Variants in COBL observed in about 807,000 individuals in gnomAD.
COBL encodes protein cordon-bleu.
COBL carries 51 observed loss-of-function variants against 98.8 expected under a neutral mutation model. The observed-to-expected ratio is 0.52, with a 90% confidence interval of 0.41 to 0.65. The LOEUF is 0.65. COBL is among the 30% of genes least tolerant of loss of function. The pLI is 0.00. For synonymous variants in COBL, 634 were observed against 651.7 expected, an observed-to-expected ratio of 0.97 and a Z score of 0.41; for missense variants, 1,617 against 1,617.5, an observed-to-expected ratio of 1.00 and a Z score of 0.01.
intron 6 of COBL, among the ~76,000 whole-genome samples, chr7:51,102,477 G>C (rs2128964058): frequency 6.6e-6 from 1 of 152,236 alleles, no homozygotes; most frequent in South Asian, 2.1e-4. Context: ...TCCCGACCTT[G>C]GTTCTATACC....
intron 7 of COBL, among the ~76,000 whole-genome samples, chr7:51,074,271 C>T (rs1287664070): frequency 6.9e-6 from 1 of 145,316 alleles, no homozygotes; most frequent in Non-Finnish European, 1.5e-5. Flanking sequence ...TCTCGGCTCA[C>T]TGCAACCTCC....
At position 51,029,530 on chromosome 7, in the gene COBL, G is replaced by A; in HGVS notation, c.1566C>T (p.Ser522=). The change falls in exon 10 of 13, where the codon TCC becomes TCT. Residue 522 remains serine, a synonymous_variant. Coordinates refer to ENST00000265136, the MANE Select transcript of COBL (RefSeq NM_015198.5). ...TCATGGCATCCTGTGGGCAGTGGTTGGATGCACCATGGATGGAGCTGGTGA... is the reference window on the plus strand; with the variant it reads ...TCATGGCATCCTGTGGGCAGTGGTTAGATGCACCATGGATGGAGCTGGTGA... ...SSLTSSIHGA[S]NHCPQDAMIP... The A allele has an allele frequency of 6.2e-7, 1 of 1,613,742 alleles. No homozygotes were observed. Among genetic ancestry groups the A allele is most frequent in the Non-Finnish European group, 8.5e-7 (1 of 1,179,720 alleles).
chr7:51,027,659 T>C, intron 10 of COBL, 53 bp downstream of exon 10: 1 of 1,412,602 alleles, frequency 7.1e-7, no homozygotes, highest in South Asian at 1.3e-5. Context: ...CTGAGACCAG[T>C]GCACTGAAGT....
At chr7:51,026,867 C>T (rs1031585725) in intron 10 of COBL, among the ~76,000 whole-genome samples, 1 of 151,982 alleles carries the variant, frequency 6.6e-6, no homozygotes, top group African/African-American at 2.4e-5. Context: ...CACTGTACTC[C>T]AGCCTGGGCC....
chr7:51,191,240 G>A (rs1311427433), intron 3 of COBL, among the ~76,000 whole-genome samples, 162 bp from the exon 4 acceptor site: 1 of 152,074 alleles, frequency 6.6e-6, no homozygotes, highest in African/African-American at 2.4e-5. Context: ...AATGAATATT[G>A]AAAAACAAAT....
Position 51,085,247 on chromosome 7 carries a change from G to C in COBL, c.1015C>G (p.Pro339Ala), listed in dbSNP as rs199991316. ...QKKKRRAPAP[P>A]PPQPPPPSPL... The stretch of plus-strand genomic sequence containing the variant: ...CTCGGTGGTGGTGGCTGTGGTGGAG[G>C]GGGAGCTGGCGCTCGCCGCTTCTTC... The change falls in exon 7 of 13, where the codon CCT (proline) becomes GCT (alanine). Residue 339 changes from proline to alanine, a missense_variant. By Grantham distance (27) the Pro-to-Ala change is conservative. Transcript: ENST00000265136. 1.9e-6 allele frequency: 3 copies of C among 1,613,438 alleles called. No individual in the cohort carries two copies. Among genetic ancestry groups the C allele is most frequent in the South Asian group, 1.1e-5 (1 of 91,054 alleles).
chr7:51,256,655 A>C (rs996371597), intron 1 of COBL, among the ~76,000 whole-genome samples: 2 of 152,194 alleles, frequency 1.3e-5, no homozygotes, highest in East Asian at 3.9e-4. Flanking sequence ...GGTTTCACAG[A>C]TCCCAGGCAG....
chr7:51,292,762 C>G (rs567343685), intron 1 of COBL, among the ~76,000 whole-genome samples: 13 of 152,230 alleles, frequency 8.5e-5, no homozygotes, highest in Non-Finnish European at 1.6e-4. Context: ...TTCCAAGGCC[C>G]GTGGCTTGCC....
chr7:51,075,149 T>C (rs571479563), intron 7 of COBL, among the ~76,000 whole-genome samples: 4 of 152,362 alleles, frequency 2.6e-5, no homozygotes, highest in African/African-American at 9.6e-5. Context: ...AAAATGGATG[T>C]ACAACTCAAT....
rs536236259 is a variant in COBL, at chr7:51,183,966, G to A, written c.783+136C>T. On this transcript the variant is annotated intron_variant, in intron 5 of 12. Transcript: ENST00000265136. The stretch of plus-strand genomic sequence containing the variant: ...CTGTCATTCCAGTGCATACTAATAA[G>A]CTCTCTTTTACCTGAAGGAATTAGT... 1.1e-5 allele frequency: 5 copies of A among 475,426 alleles called. No homozygotes were observed. The South Asian group carries it at 1.4e-4, about 13-fold the overall frequency. 29.5% of individuals were successfully genotyped at this position (475,426 alleles called of 1,614,324 possible).
rs59322709 is a variant in COBL at position 51,312,159 on chromosome 7, T to TA, written c.41+4433dup. Reference sequence around the variant, plus strand: ...CAACATGGTGAAACCTCGTCTCTATTAAAAAAAAAAAAATACAAAAATTAG... The same window carrying TA: ...CAACATGGTGAAACCTCGTCTCTATTAAAAAAAAAAAAAATACAAAAATTAG... On this transcript the variant is annotated intron_variant, in intron 1 of 12. Coordinates refer to ENST00000265136, the MANE Select transcript of COBL (RefSeq NM_015198.5). Among the ~76,000 whole-genome samples, 828 of 144,180 alleles carry TA rather than the reference T, an allele frequency of 5.7e-3. 1 individual carries two copies. Among genetic ancestry groups the TA allele is most frequent in the South Asian group, 0.012 (54 of 4,502 alleles). 94.6% of individuals were successfully genotyped at this position (144,180 alleles called of 152,430 possible).
At chr7:51,148,505 G>A (rs1785249630) in intron 5 of COBL, among the ~76,000 whole-genome samples, 1 of 152,176 alleles carries the variant, frequency 6.6e-6, no homozygotes, top group Non-Finnish European at 1.5e-5. Flanking sequence ...GGCTTCCAAG[G>A]CCTTGGCCCA....
At chr7:51,208,726 C>T (rs1268828331) in intron 2 of COBL, among the ~76,000 whole-genome samples, 2 of 152,148 alleles carry the variant, frequency 1.3e-5, no homozygotes, top group East Asian at 1.9e-4. Context: ...AAGAAAAATT[C>T]TTCTGCCTTG....
intron 1 of COBL, among the ~76,000 whole-genome samples, chr7:51,230,609 G>A (rs1330376148): frequency 6.6e-6 from 1 of 152,122 alleles, no homozygotes; most frequent in Non-Finnish European, 1.5e-5. Flanking sequence ...TGCATCACCT[G>A]CCTCCCCTTC....
intron 1 of COBL, among the ~76,000 whole-genome samples, chr7:51,247,149 A>G (rs377594603): frequency 4.6e-5 from 7 of 152,370 alleles, no homozygotes; most frequent in African/African-American, 1.7e-4. Flanking sequence ...CCCATCTGCC[A>G]CGTTAAGTCA....
At chr7:51,047,246 T>C (rs1263222461) in intron 7 of COBL, among the ~76,000 whole-genome samples, 2 of 152,242 alleles carry the variant, frequency 1.3e-5, no homozygotes, top group African/African-American at 2.4e-5. Flanking sequence ...AAATTCATGA[T>C]TTAATTCTCT....
At chr7:51,083,079 C>A in intron 7 of COBL, 1 of 1,536,000 alleles carries the variant, frequency 6.5e-7, no homozygotes, top group Non-Finnish European at 8.7e-7. Flanking sequence ...GGGTCTGAGG[C>A]CTCGGAACCA....
intron 1 of COBL, among the ~76,000 whole-genome samples, chr7:51,225,159 C>G (rs147669480): frequency 3.3e-5 from 5 of 152,306 alleles, no homozygotes; most frequent in African/African-American, 1.2e-4. Context: ...AAACAGAAAA[C>G]GCCTGGCTTC....
chr7:51,230,796 A>T (rs1250516486), intron 1 of COBL, among the ~76,000 whole-genome samples: 1 of 152,186 alleles, frequency 6.6e-6, no homozygotes, highest in Non-Finnish European at 1.5e-5. Flanking sequence ...CATCGCCCAC[A>T]TCGTGGTTAC....
Sources: gnomAD v4.1 joint callset for allele counts (sites outside exome capture counted in the v4.1 genomes callset) on GRCh38, gnomAD v4.1.1 for gene constraint, MANE v1.5 for transcripts, NCBI Gene and HGNC (gene_info 2026-07-23, HGNC 2026-07-21) for gene names.